Variants in PXDN observed in about 807,000 individuals in gnomAD.
PXDN encodes the protein peroxidasin.
In PXDN, 77 loss-of-function variants were observed where a neutral mutation model predicts 140.3. That is an observed-to-expected ratio of 0.55 (90% confidence interval 0.46 to 0.66). The LOEUF (loss-of-function observed/expected upper bound fraction) is 0.66, where lower values mean the gene tolerates loss of function less well. Ranked by LOEUF, PXDN falls within the 30% of genes least tolerant of loss-of-function variation. The pLI is 0.00. For missense variants in PXDN, 1,838 were observed against 2,039.5 expected, an observed-to-expected ratio of 0.90 and a Z score of 1.90; for synonymous variants, 911 against 857.4, an observed-to-expected ratio of 1.06 and a Z score of -1.09.
chr2:1,744,608 A>G, upstream of PXDN: 1 of 629,760 alleles, frequency 1.6e-6, no homozygotes, highest in Non-Finnish European at 2.2e-6. Context: ...GCCCCTCTGA[A>G]TCCCCGAGGG....
chr2:1,700,145 AC>A (rs1253392322), intron 1 of PXDN, among the ~76,000 whole-genome samples: 10 of 152,034 alleles, frequency 6.6e-5, no homozygotes, highest in African/African-American at 2.4e-4. Context: ...CACTGCAACC[AC>A]CGCCTCCCGG....
Position 1,707,369 on chromosome 2 carries a change from G to T in PXDN, c.201-14235C>A, listed in dbSNP as rs146605068. ...TAATACAAACTGAGAGCACGCTGCAGTGCTCACCAATCAGCTCTAAGCATC... is the reference window on the plus strand; with the variant it reads ...TAATACAAACTGAGAGCACGCTGCATTGCTCACCAATCAGCTCTAAGCATC... On this transcript the variant is annotated intron_variant, in intron 1 of 22. Transcript: ENST00000252804. 9.8e-4 allele frequency among the ~76,000 whole-genome samples: 55 copies of T among 56,296 alleles called. 21 individuals carry two copies. Among genetic ancestry groups the T allele is most frequent in the East Asian group, 4.8e-3 (9 of 1,866 alleles). 36.9% of individuals were successfully genotyped at this position (56,296 alleles called of 152,430 possible). A position where few individuals can be genotyped will look rare whatever the true frequency, so the allele number is the denominator to read the frequency against.
intron 7 of PXDN, 25 bp downstream of exon 7, chr2:1,680,168 G>A (rs555595289): frequency 1.3e-6 from 2 of 1,486,658 alleles, no homozygotes; most frequent in Admixed American, 2.1e-5. Flanking sequence ...GTGTGTGGAT[G>A]GTGTGTGCGT....
intron 1 of PXDN, among the ~76,000 whole-genome samples, chr2:1,720,957 G>A (rs958757314): frequency 1.3e-5 from 2 of 152,140 alleles, no homozygotes; most frequent in East Asian, 3.9e-4. Context: ...CAGTCCAAAA[G>A]CCGCCTCTGC....
At chr2:1,723,675 AATGGATGGATGGATGG>A (rs543877016) in intron 1 of PXDN, among the ~76,000 whole-genome samples, 1 of 151,822 alleles carries the variant, frequency 6.6e-6, no homozygotes, top group African/African-American at 2.4e-5. Context: ...TGAATGGATT[AATGGATGGATGGATGG>A]ATGGATGGAT....
At chr2:1,681,547 G>A (rs1385638306) in intron 6 of PXDN, among the ~76,000 whole-genome samples, 1 of 151,722 alleles carries the variant, frequency 6.6e-6, no homozygotes, top group South Asian at 2.1e-4. Context: ...ATCTCTAGGG[G>A]CCGACGCTGG....
Position 1,693,110 on chromosome 2 carries a change from T to G in PXDN, c.225A>C (p.Arg75Ser). The G allele has an allele frequency of 3.9e-6, 6 of 1,558,144 alleles. No homozygotes were observed. The highest frequency in any genetic ancestry group is 5.2e-6 in the Non-Finnish European group (6 of 1,149,298). Residue 75 changes from arginine to serine, a missense_variant, in exon 2 of 23, where the codon AGA becomes AGC. Arg to Ser is a moderately radical substitution (Grantham distance 110). Around this residue, in one of 5 missense-constraint regions of PXDN, gnomAD observed 231 missense variants for 201.5 expected, o/e 1.15. Coordinates refer to ENST00000252804, the MANE Select transcript of PXDN (RefSeq NM_012293.3). ...SILDLRFNRI[R>S]EIQPGAFRRL... The stretch of plus-strand genomic sequence containing the variant: ...GCCTGAATGCCCCAGGTTGGATCTC[T>G]CTGATTCTGTTAAAGCGAAGATCTC...
In PXDN at chr2:1,673,828, T is replaced by C; in HGVS notation, c.849-16A>G. On this transcript the variant is annotated splice_polypyrimidine_tract_variant and intron_variant, in intron 8 of 22. Transcript: ENST00000252804. ...CAGCTCATTACTACAAAGACAGAAA[T>C]ATGGTCTGGTCAAGTGTTGAAAGCA... is the stretch of plus-strand genomic sequence containing the variant. The C allele has an allele frequency of 6.2e-7, 1 of 1,613,650 alleles. No homozygotes were observed. The highest frequency in any genetic ancestry group is 1.1e-5 in the South Asian group (1 of 91,074).
rs754910107 is a variant in PXDN, at chr2:1,680,290, C to T, written c.633G>A (p.Ala211=). 1.9e-5 allele frequency: 30 copies of T among 1,613,858 alleles called. No homozygotes were observed. The highest frequency in any genetic ancestry group is 1.3e-4 in the African/African-American group (10 of 74,910). The change falls in exon 7 of 23, where the codon GCG becomes GCA. Residue 211 remains alanine, a synonymous_variant. Coordinates refer to ENST00000252804, the MANE Select transcript of PXDN (RefSeq NM_012293.3). ...CCGCTGCCTGCGCGTTCCCCGACTC[C>T]GCGTAGGTTTTCAGCAAATCCGCCA... ...LWLADLLKTY[A]ESGNAQAAAI...
At position 1,681,441 on chromosome 2, in the gene PXDN, G is replaced by A. The variant is rs558151127; in HGVS notation, c.561-1079C>T. Among the ~76,000 whole-genome samples, 13 of 152,186 alleles carry A rather than the reference G, an allele frequency of 8.5e-5. No individual in the cohort carries two copies. The East Asian group carries it at 1.7e-3, about 20-fold the overall frequency. ...ACTAGGGAAAAGTCCTGCAACAGAC[G>A]TGCTCACTATTAACCCTCAATGAGG... is the stretch of plus-strand genomic sequence containing the variant. On this transcript the variant is annotated intron_variant, in intron 6 of 22. Transcript: ENST00000252804.
rs1222584489 is a variant in PXDN at position 1,714,517 on chromosome 2, C to A, written c.201-21383G>T. On this transcript the variant is annotated intron_variant, in intron 1 of 22. Coordinates refer to ENST00000252804, the MANE Select transcript of PXDN (RefSeq NM_012293.3). This position sits in a 1 kb window ranked among gnomAD's most constrained non-coding sequence, Gnocchi z 4.3. ...CCGCGGGTCCACGCTCAGGGAAATGCCCCTCCCACAGCAGGCCCAGTGCGT... is the reference window on the plus strand; with the variant it reads ...CCGCGGGTCCACGCTCAGGGAAATGACCCTCCCACAGCAGGCCCAGTGCGT... Among the ~76,000 whole-genome samples, 1 of 152,174 alleles carries A rather than the reference C, an allele frequency of 6.6e-6. No individual in the cohort carries two copies. Among genetic ancestry groups the A allele is most frequent in the Non-Finnish European group, 1.5e-5 (1 of 68,022 alleles).
intron 1 of PXDN, among the ~76,000 whole-genome samples, chr2:1,716,299 A>G (rs1684891729): frequency 6.6e-6 from 1 of 152,120 alleles, no homozygotes; most frequent in East Asian, 1.9e-4. Flanking sequence ...TTAGCTGGGC[A>G]TGGTGGTACA....
chr2:1,648,388 G>A lies in PXDN; in HGVS notation c.3392C>T (p.Pro1131Leu), dbSNP rs1682906619. ...GAGCTCCGTGTTCAGCAGCTGCGAG[G>A]GCACACGCATTTTCCCCGCCACCCC... ...LFGVAGKMRV[P>L]SQLLNTELTE... Residue 1131 changes from proline to leucine, a missense_variant, in exon 17 of 23, where the codon CCC (proline) becomes CTC (leucine). Pro to Leu is a moderately conservative substitution (Grantham distance 98). Transcript: ENST00000252804. The surrounding 1 kb of genome is among the most constrained non-coding windows in gnomAD (Gnocchi z 8.9). The A allele has an allele frequency of 6.2e-7, 1 of 1,612,826 alleles. No individual in the cohort carries two copies. Among genetic ancestry groups the A allele is most frequent in the Non-Finnish European group, 8.5e-7 (1 of 1,179,894 alleles).
At chr2:1,658,060 CTCTCT>C (rs1558494362) in intron 14 of PXDN, among the ~76,000 whole-genome samples, 10,225 of 126,044 alleles carry the variant, frequency 0.081, 1,848 homozygotes, top group East Asian at 0.14. Flanking sequence ...CTCTCTCTCT[CTCTCT>C]CTCTCTCTCT....
At position 1,714,454 on chromosome 2, in the gene PXDN, C is replaced by G. The variant is rs1684851635; in HGVS notation, c.201-21320G>C. Among the ~76,000 whole-genome samples the G allele has an allele frequency of 6.6e-6, 1 of 152,178 alleles. No individual in the cohort carries two copies. The highest frequency in any genetic ancestry group is 6.5e-5 in the Admixed American group (1 of 15,282). On this transcript the variant is annotated intron_variant, in intron 1 of 22. Transcript: ENST00000252804. This position sits in a 1 kb window ranked among gnomAD's most constrained non-coding sequence, Gnocchi z 4.3. The stretch of plus-strand genomic sequence containing the variant: ...CAGTTACACTTCCTAGAACTTCCAA[C>G]CCCTTCCTCATCACCACCAATCCTC...
chr2:1,640,011 G>A (rs7419575), intron 19 of PXDN, among the ~76,000 whole-genome samples: 57,586 of 89,312 alleles, frequency 0.64, 19,300 homozygotes, highest in East Asian at 0.97. Flanking sequence ...GGTGAGTGAG[G>A]GGCCCTCAGT....
chr2:1,666,570 A>G (rs2125428579), intron 9 of PXDN, 84 bp from the exon 10 acceptor site: 2 of 1,439,804 alleles, frequency 1.4e-6, no homozygotes, highest in Non-Finnish European at 1.9e-6. Context: ...TCAGGCTATT[A>G]ATTCTATTTA....
chr2:1,731,154 A>G lies in PXDN; in HGVS notation c.200+13102T>C, dbSNP rs6705065. Among the ~76,000 whole-genome samples the G allele has an allele frequency of 0.015, 474 of 30,982 alleles. 8 individuals carry two copies. The East Asian group carries it at 0.38, about 25-fold the overall frequency. 20.3% of individuals were successfully genotyped at this position (30,982 alleles called of 152,430 possible). ...AGAACACTGTTGAGAGCGCGCGCGC[A>G]CACACACACACACACACACACACAC... On this transcript the variant is annotated intron_variant, in intron 1 of 22. Coordinates refer to ENST00000252804, the MANE Select transcript of PXDN (RefSeq NM_012293.3).
chr2:1,718,952 C>T (rs546367194), intron 1 of PXDN, among the ~76,000 whole-genome samples: 4 of 152,358 alleles, frequency 2.6e-5, no homozygotes, highest in African/African-American at 4.8e-5. Context: ...AGCCCAGCCC[C>T]GAAGACCATA....
Sources: gnomAD v4.1 joint callset for allele counts (sites outside exome capture counted in the v4.1 genomes callset) on GRCh38, gnomAD v4.1.1 for gene constraint, gnomAD v4.1.1 regional missense constraint, Gnocchi (gnomAD v3.1) non-coding constraint, MANE v1.5 for transcripts, NCBI Gene and HGNC (gene_info 2026-07-23, HGNC 2026-07-21) for gene names.